The following OSBPL9 variants were observed in gnomAD, a reference collection of about 807,000 sequenced individuals.
The protein encoded by OSBPL9 is oxysterol binding protein like 9, also known as oxysterol-binding protein-related protein 9.
OSBPL9 carries 40 observed loss-of-function variants against 106.6 expected under a neutral mutation model. The ratio of observed to expected loss-of-function variants is 0.38; its 90% confidence interval spans 0.29 to 0.49. The LOEUF is 0.49. OSBPL9 is among the 20% of genes least tolerant of loss of function. OSBPL9 has a pLI of 0.97. For missense variants in OSBPL9, 609 were observed against 887.2 expected (o/e 0.69, Z 3.98); for synonymous variants, 269 against 295.4 (o/e 0.91, Z 0.92).
intron 1 of OSBPL9, among the ~76,000 whole-genome samples, chr1:51,650,250 TTC>T (rs1646431532): frequency 6.6e-6 from 1 of 152,214 alleles, no homozygotes; most frequent in South Asian, 2.1e-4. Context: ...CTTGCCTTTT[TTC>T]TGTTTACTGT....
intron 1 of OSBPL9, among the ~76,000 whole-genome samples, chr1:51,636,565 T>C (rs1057318156): frequency 1.3e-5 from 2 of 152,070 alleles, no homozygotes; most frequent in African/African-American, 4.8e-5. Flanking sequence ...CTTGAACTTG[T>C]GAGCCCAAGT....
chr1:51,758,463 T>G (rs1353884817), intron 9 of OSBPL9, among the ~76,000 whole-genome samples: 1 of 151,940 alleles, frequency 6.6e-6, no homozygotes, highest in Non-Finnish European at 1.5e-5. Flanking sequence ...GGGATCCACT[T>G]GCTTCCTTAG....
intron 8 of OSBPL9, among the ~76,000 whole-genome samples, chr1:51,753,562 G>A (rs1403662141): frequency 6.6e-6 from 1 of 152,204 alleles, no homozygotes; most frequent in Non-Finnish European, 1.5e-5. Context: ...TTCACTGGCA[G>A]GTTAATAAAA....
intron 1 of OSBPL9, among the ~76,000 whole-genome samples, chr1:51,583,984 A>T (rs1016779676): frequency 6.6e-6 from 1 of 152,012 alleles, no homozygotes; most frequent in Non-Finnish European, 1.5e-5. Context: ...CCATACCTGA[A>T]CTAATGATCC....
chr1:51,693,018 T>C (rs951130556), intron 3 of OSBPL9, among the ~76,000 whole-genome samples: 1 of 152,062 alleles, frequency 6.6e-6, no homozygotes, highest in South Asian at 2.1e-4. Context: ...GGTGACAAAT[T>C]ATCACTTGTC....
chr1:51,740,265 T>C lies in OSBPL9; in HGVS notation c.319-5271T>C. ...ATACTTCTTTCATTGGATGAAAGCT[T>C]ATCTGTGATGCATGTCATCTCAAAT... is the stretch of plus-strand genomic sequence containing the variant. On this transcript the variant is annotated intron_variant, in intron 4 of 23. Transcript: ENST00000428468. The C allele has an allele frequency of 2.1e-6, 3 of 1,445,432 alleles. No individual in the cohort carries two copies. The South Asian group carries it at 4.5e-5, about 21-fold the overall frequency. 89.5% of individuals were successfully genotyped at this position (1,445,432 alleles called of 1,614,324 possible).
In OSBPL9 at chr1:51,778,240, A is replaced by T. The variant is rs1456248718; in HGVS notation, c.1256+1322A>T. On this transcript the variant is annotated intron_variant, in intron 15 of 23. Transcript: ENST00000428468. Reference sequence around the variant, plus strand: ...TACTCCATTAATTCTAAGAAAGGAGAAAAGGAGAAATAATGGCATGAACAA... The same window carrying T: ...TACTCCATTAATTCTAAGAAAGGAGTAAAGGAGAAATAATGGCATGAACAA... 3.3e-5 allele frequency among the ~76,000 whole-genome samples: 5 copies of T among 152,334 alleles called. No homozygotes were observed. In the East Asian group the frequency reaches 9.6e-4, roughly 29 times the overall value.
intron 10 of OSBPL9, 59 bp downstream of exon 10, chr1:51,760,839 G>A: frequency 6.4e-7 from 1 of 1,562,686 alleles, no homozygotes; most frequent in Middle Eastern, 1.7e-4. Context: ...TTGTGTGGCT[G>A]TCATAGCAGT....
intron 1 of OSBPL9, chr1:51,583,429 T>G (rs1308883609): frequency 6.6e-6 from 1 of 152,234 alleles, no homozygotes; most frequent in African/African-American, 2.4e-5. Context: ...TTATGGAAAC[T>G]TGGATAAGTT....
the OSBPL9 span, chr1:51,519,324 G>GGGGCGGGC: frequency 1.2e-5 from 5 of 417,648 alleles, no homozygotes; most frequent in South Asian, 3.0e-4. Context: ...AGGCGAGGCC[G>GGGGCGGGC]GGGCGGGCGG....
At position 51,786,652 on chromosome 1, in the gene OSBPL9, A is replaced by G. The variant is rs376432186; in HGVS notation, c.2000+35A>G. ...CATTGTTAAGTGGAACTATTGCTGC[A>G]GTGCTTAAACTTTGCCTAGGCGTAG... On this transcript the variant is annotated intron_variant, in intron 22 of 23. Transcript: ENST00000428468. 4 of 1,566,030 alleles carry G rather than the reference A, an allele frequency of 2.6e-6. No homozygotes were observed. In the African/African-American group the frequency reaches 5.4e-5, roughly 21 times the overall value.
intron 2 of OSBPL9, among the ~76,000 whole-genome samples, chr1:51,659,109 T>C (rs1646988452): frequency 6.6e-6 from 1 of 152,128 alleles, no homozygotes; most frequent in Admixed American, 6.5e-5. Flanking sequence ...TGGAAGAATA[T>C]ATTCCAGGCA....
At chr1:51,677,168 C>T (rs1032011346) in intron 3 of OSBPL9, among the ~76,000 whole-genome samples, 1 of 152,202 alleles carries the variant, frequency 6.6e-6, no homozygotes, top group Non-Finnish European at 1.5e-5. Flanking sequence ...CAGATTCTTG[C>T]GCTCTGCCCC....
intron 4 of OSBPL9, among the ~76,000 whole-genome samples, chr1:51,738,387 T>C (rs955785895): frequency 6.6e-6 from 1 of 152,086 alleles, no homozygotes; most frequent in Non-Finnish European, 1.5e-5. Context: ...CATAAACCTT[T>C]CTTTGTAAAT....
chr1:51,565,235 G>A, the OSBPL9 span, among the ~76,000 whole-genome samples: 6 of 152,128 alleles, frequency 3.9e-5, no homozygotes, highest in African/African-American at 1.2e-4. Context: ...TGGTGGGTGA[G>A]GCCCTTCCTG....
chr1:51,685,794 T>G (rs879507871), intron 3 of OSBPL9, among the ~76,000 whole-genome samples: 16 of 152,236 alleles, frequency 1.1e-4, no homozygotes, highest in Non-Finnish European at 1.8e-4. Context: ...GTGCTTTCAT[T>G]AATGTATTCC....
At chr1:51,627,648 A>C (rs766763260) in intron 1 of OSBPL9, among the ~76,000 whole-genome samples, 6 of 151,950 alleles carry the variant, frequency 3.9e-5, no homozygotes, top group Non-Finnish European at 5.9e-5. Flanking sequence ...TATGAATTTT[A>C]GGATGGACTG....
At chr1:51,529,347 C>A in the OSBPL9 span, among the ~76,000 whole-genome samples, 6 of 151,956 alleles carry the variant, frequency 3.9e-5, no homozygotes, top group African/African-American at 1.5e-4. Context: ...TTGCCATTCT[C>A]CTGCCTCAGC....
the OSBPL9 span, among the ~76,000 whole-genome samples, chr1:51,555,503 A>G: frequency 2.6e-5 from 4 of 152,140 alleles, no homozygotes; most frequent in African/African-American, 9.7e-5. Context: ...CAGAAAAACT[A>G]AAAGACCATA....
Sources: allele counts gnomAD v4.1 joint callset (sites outside exome capture counted in the v4.1 genomes callset), GRCh38; gene constraint gnomAD v4.1.1; transcripts MANE v1.5; gene names NCBI Gene and HGNC (gene_info 2026-07-23, HGNC 2026-07-21).